The following ATP2B3 variants were observed in gnomAD, a reference collection of about 807,000 sequenced individuals.
The protein encoded by ATP2B3 is ATPase plasma membrane Ca2+ transporting 3, also known as plasma membrane calcium-transporting ATPase 3.
A neutral mutation model predicts 70.8 loss-of-function variants in ATP2B3; 12 were observed. The observed-to-expected ratio is 0.17, with a 90% CI of 0.11 to 0.27. The LOEUF is 0.27. Among genes scored for constraint, ATP2B3 ranks in the 10% least tolerant of loss-of-function variants. ATP2B3 has a pLI of 1.00. For missense variants in ATP2B3, 858 were observed against 1,118.5 expected, an observed-to-expected ratio of 0.77 and a Z score of 3.32; for synonymous variants, 460 against 497.8, an observed-to-expected ratio of 0.92 and a Z score of 1.01.
At chrX:153,570,384 C>T (rs2090770048) in intron 21 of ATP2B3, among the ~76,000 whole-genome samples, 1 of 112,757 alleles carries the variant, frequency 8.9e-6, no homozygotes, top group Admixed American at 9.3e-5. Flanking sequence ...TTGCCCCAAG[C>T]CACCGGGTGT....
chrX:153,579,084 G>A (rs2124556160), intron 21 of ATP2B3, among the ~76,000 whole-genome samples: 1 of 112,891 alleles, frequency 8.9e-6, no homozygotes, highest in South Asian at 3.6e-4. Context: ...CAGCACTGTG[G>A]CCAGGGTGGA....
intron 21 of ATP2B3, chrX:153,569,796 C>G: frequency 4.2e-6 from 5 of 1,193,160 alleles, no homozygotes; most frequent in Non-Finnish European, 5.7e-6. Context: ...AATGGCATCT[C>G]TGGGGAAGAA....
chrX:153,577,825 G>A (rs2090875775), intron 21 of ATP2B3, among the ~76,000 whole-genome samples: 1 of 110,877 alleles, frequency 9.0e-6, no homozygotes, highest in Admixed American at 9.6e-5. Flanking sequence ...TCACTCTGTT[G>A]CCCAGGTTGG....
At chrX:153,556,768 C>T (rs903553347) in intron 15 of ATP2B3, 149 bp from the exon 16 acceptor site, 7 of 554,298 alleles carry the variant, frequency 1.3e-5, no homozygotes, top group East Asian at 3.6e-5. Context: ...ATCCAGGTGA[C>T]GGGGAGCACA....
At chrX:153,563,605 C>T (rs1557017118) in intron 20 of ATP2B3, among the ~76,000 whole-genome samples, 1 of 111,730 alleles carries the variant, frequency 9.0e-6, no homozygotes, top group Non-Finnish European at 1.9e-5. Context: ...ACCTCACCTC[C>T]GAATCACACT....
At chrX:153,525,180 A>G (rs1221889195) in intron 2 of ATP2B3, among the ~76,000 whole-genome samples, 1 of 112,191 alleles carries the variant, frequency 8.9e-6, no homozygotes, top group Non-Finnish European at 1.9e-5. Context: ...GATGACCTCA[A>G]ATGACAGGAC....
At chrX:153,567,054 T>A (rs782345625) in intron 21 of ATP2B3, among the ~76,000 whole-genome samples, 15 of 112,476 alleles carry the variant, frequency 1.3e-4, no homozygotes, top group African/African-American at 4.8e-4. Context: ...CTGGGAAGGA[T>A]GTGTTAGGTC....
intron 2 of ATP2B3, among the ~76,000 whole-genome samples, chrX:153,527,407 G>A (rs1384350056): frequency 8.8e-6 from 1 of 113,355 alleles, no homozygotes; most frequent in Non-Finnish European, 1.9e-5. Flanking sequence ...GGAGGGGCGT[G>A]GGGAGCACGT....
chrX:153,553,678 G>C (rs954915739), intron 13 of ATP2B3, among the ~76,000 whole-genome samples: 8 of 112,493 alleles, frequency 7.1e-5, no homozygotes, highest in South Asian at 3.7e-4. Context: ...GTCCTGTGGC[G>C]AGCTCACAGC....
chrX:153,579,478 G>A (rs1025375880), intron 21 of ATP2B3, among the ~76,000 whole-genome samples: 1 of 112,260 alleles, frequency 8.9e-6, no homozygotes, highest in Admixed American at 9.4e-5. Flanking sequence ...TGGTAAGATC[G>A]AGAAGACATC....
intron 2 of ATP2B3, among the ~76,000 whole-genome samples, chrX:153,519,436 G>C (rs906208235): frequency 7.2e-5 from 8 of 111,823 alleles, no homozygotes; most frequent in Non-Finnish European, 1.3e-4. Flanking sequence ...TCAACCACAC[G>C]AGTGAATGGC....
intron 3 of ATP2B3, among the ~76,000 whole-genome samples, chrX:153,539,278 C>T (rs2090241893): frequency 1.8e-5 from 2 of 112,252 alleles, no homozygotes; most frequent in East Asian, 2.8e-4. Flanking sequence ...CCCAGGCTCC[C>T]GATTGGGGCA....
Position 153,580,246 on chromosome X carries a change from T to C in ATP2B3, c.3611T>C (p.Val1204Ala). 8.3e-7 allele frequency: 1 copy of C among 1,203,461 alleles called. No homozygotes were observed. Among genetic ancestry groups the C allele is most frequent in the Non-Finnish European group, 1.1e-6 (1 of 892,115 alleles). ...THVTKSATSS[V>A]FSSSPGSPLH... ...GTCACCAAGTCAGCTACCTCTTCAG[T>C]GTTTTCCTCCAGTCCCGGGAGCCCG... Residue 1204 changes from valine to alanine, a missense_variant, in exon 22 of 22, where the codon GTG becomes GCG. Coordinates refer to ENST00000263519, the MANE Select transcript of ATP2B3 (RefSeq NM_001001344.3).
chrX:153,551,029 C>T (rs1187684954), intron 12 of ATP2B3, among the ~76,000 whole-genome samples: 7 of 112,752 alleles, frequency 6.2e-5, no homozygotes, highest in Admixed American at 4.7e-4. Flanking sequence ...TTGGCTGTCA[C>T]GAGTCACGCT....
At chrX:153,546,330 G>A (rs1395213828) in intron 8 of ATP2B3, among the ~76,000 whole-genome samples, 3 of 112,387 alleles carry the variant, frequency 2.7e-5, no homozygotes, top group African/African-American at 9.7e-5. Context: ...GGGCATCCTG[G>A]CCACAGACAC....
rs781898775 is a variant in ATP2B3 at position 153,541,915 on chromosome X, A to C, written c.653A>C (p.Gln218Pro). 8.3e-7 allele frequency: 1 copy of C among 1,211,098 alleles called. No homozygotes were observed. Among genetic ancestry groups the C allele is most frequent in the Non-Finnish European group, 1.1e-6 (1 of 895,355 alleles). ...GCGCTGGTGGTGGGGGACATTGCCC[A>C]GGTCAAGTACGGTGAGTGCCCTGGT... Reference protein sequence around the residue: ...VAALVVGDIAQVKYGDLLPAD... With the variant: ...VAALVVGDIAPVKYGDLLPAD... The change falls in exon 5 of 22, where the codon CAG becomes CCG. Residue 218 changes from glutamine to proline, a missense_variant. Physicochemically the swap from Gln to Pro is moderately conservative, Grantham distance 76. Transcript: ENST00000263519.
intron 7 of ATP2B3, 57 bp from the exon 8 acceptor site, chrX:153,546,031 C>T (rs981187276): frequency 4.4e-5 from 52 of 1,185,330 alleles, no homozygotes; most frequent in South Asian, 2.7e-4. Context: ...CTCTGCCACG[C>T]GGCCCCCAGG....
At chrX:153,544,905 G>A (rs1266642366) in intron 7 of ATP2B3, among the ~76,000 whole-genome samples, 1 of 112,755 alleles carries the variant, frequency 8.9e-6, no homozygotes, top group African/African-American at 3.2e-5. Flanking sequence ...TGGGTCCAGA[G>A]TCCATGCTTC....
intron 16 of ATP2B3, 150 bp downstream of exon 16, chrX:153,557,173 G>A: frequency 1.9e-6 from 1 of 538,373 alleles, no homozygotes; most frequent in Non-Finnish European, 3.0e-6. Flanking sequence ...CTGGCCACTT[G>A]GGCCTGCGTG....
Sources: allele counts gnomAD v4.1 joint callset (sites outside exome capture counted in the v4.1 genomes callset), GRCh38; gene constraint gnomAD v4.1.1; transcripts MANE v1.5; gene names NCBI Gene and HGNC (gene_info 2026-07-23, HGNC 2026-07-21).